The following DOCK1 variants were observed in gnomAD, a reference collection of about 807,000 sequenced individuals.
The protein encoded by DOCK1 is dedicator of cytokinesis 1.
In DOCK1, 138 loss-of-function variants were observed where a neutral mutation model predicts 262.7. The ratio of observed to expected loss-of-function variants is 0.53; its 90% CI spans 0.46 to 0.61. DOCK1 has a LOEUF of 0.61. Ranked by LOEUF, DOCK1 falls within the 20% of genes least tolerant of loss-of-function variation. DOCK1 has a pLI of 0.00. For missense variants in DOCK1, 1,908 were observed against 2,370.7 expected (o/e 0.80, Z 4.05); for synonymous variants, 866 against 867.4 (o/e 1.00, Z 0.03).
At chr10:127,114,840 T>C (rs574752105) in intron 25 of DOCK1, among the ~76,000 whole-genome samples, 182 of 151,438 alleles carry the variant, frequency 1.2e-3, no homozygotes, top group African/African-American at 4.2e-3. Context: ...CACTGCAACC[T>C]GTGCCTCCCG....
At chr10:127,381,046 G>C (rs2065797408) in intron 36 of DOCK1, among the ~76,000 whole-genome samples, 1 of 152,064 alleles carries the variant, frequency 6.6e-6, no homozygotes. Flanking sequence ...AAAATGAAAA[G>C]GAATGAAAAA....
intron 29 of DOCK1, among the ~76,000 whole-genome samples, chr10:127,288,155 G>A (rs117646262): frequency 1.1e-3 from 166 of 152,230 alleles, no homozygotes; most frequent in Middle Eastern, 3.4e-3. Context: ...ATGTGTCTAA[G>A]TCCGTTGTAG....
chr10:127,399,217 A>T (rs1014936134), intron 38 of DOCK1, among the ~76,000 whole-genome samples: 3 of 152,098 alleles, frequency 2.0e-5, no homozygotes, highest in African/African-American at 7.2e-5. Context: ...GGGCTTTTTC[A>T]TTTGGGGCTG....
chr10:127,069,812 G>A (rs568935931), intron 23 of DOCK1, among the ~76,000 whole-genome samples: 27 of 152,332 alleles, frequency 1.8e-4, no homozygotes, highest in African/African-American at 6.5e-4. Flanking sequence ...AAAGAGAAGA[G>A]AGGGAGGTCC....
At chr10:127,058,807 A>G (rs1016064725) in intron 22 of DOCK1, among the ~76,000 whole-genome samples, 5 of 151,930 alleles carry the variant, frequency 3.3e-5, no homozygotes, top group Non-Finnish European at 5.9e-5. Context: ...TGGAATTGCC[A>G]TTTTCTTCTC....
At chr10:127,187,917 C>T (rs924107335) in intron 27 of DOCK1, among the ~76,000 whole-genome samples, 23 of 152,278 alleles carry the variant, frequency 1.5e-4, no homozygotes, top group African/African-American at 4.3e-4. Context: ...AATGCACATA[C>T]GATAAAGAAC....
At chr10:126,928,361 G>T (rs897495464) in intron 1 of DOCK1, among the ~76,000 whole-genome samples, 1 of 152,222 alleles carries the variant, frequency 6.6e-6, no homozygotes, top group Non-Finnish European at 1.5e-5. Flanking sequence ...CTTCAGTGGA[G>T]CCCGCAGCCT....
chr10:127,294,731 C>T (rs2061450785), intron 29 of DOCK1, among the ~76,000 whole-genome samples: 1 of 151,806 alleles, frequency 6.6e-6, no homozygotes, highest in African/African-American at 2.4e-5. Context: ...TCACTGCAAC[C>T]TCCGCCTCCC....
intron 23 of DOCK1, among the ~76,000 whole-genome samples, chr10:127,089,870 T>C (rs1007782675): frequency 1.3e-5 from 2 of 152,248 alleles, no homozygotes; most frequent in African/African-American, 4.8e-5. Flanking sequence ...ACTGTAAACT[T>C]TTCTTTCTCT....
intron 38 of DOCK1, among the ~76,000 whole-genome samples, chr10:127,394,788 T>A (rs1469622527): frequency 6.6e-6 from 1 of 152,154 alleles, no homozygotes; most frequent in Non-Finnish European, 1.5e-5. Flanking sequence ...GTGTGCCCAG[T>A]GCCGTCCTGC....
chr10:127,212,502 G>T (rs975474757), intron 27 of DOCK1, among the ~76,000 whole-genome samples: 1 of 152,244 alleles, frequency 6.6e-6, no homozygotes, highest in East Asian at 1.9e-4. Context: ...GGGCAGGTGC[G>T]AACGGTGGAG....
chr10:127,219,205 A>G, intron 27 of DOCK1, among the ~76,000 whole-genome samples: 1 of 152,224 alleles, frequency 6.6e-6, no homozygotes, highest in East Asian at 1.9e-4. Context: ...AAGAAACCAT[A>G]AATTCATCTT....
chr10:127,352,629 G>T (rs910138466), intron 31 of DOCK1, among the ~76,000 whole-genome samples: 1 of 152,008 alleles, frequency 6.6e-6, no homozygotes, highest in Non-Finnish European at 1.5e-5. Context: ...GTCTTTCTCT[G>T]TCGCCCAGGC....
chr10:127,022,478 G>A (rs1403089711), intron 13 of DOCK1, among the ~76,000 whole-genome samples: 1 of 152,136 alleles, frequency 6.6e-6, no homozygotes, highest in Non-Finnish European at 1.5e-5. Flanking sequence ...AGGCTGGAGT[G>A]CAGTGGCAGG....
intron 27 of DOCK1, among the ~76,000 whole-genome samples, chr10:127,165,519 A>AT (rs1265460193): frequency 2.6e-5 from 4 of 152,070 alleles, no homozygotes; most frequent in Non-Finnish European, 5.9e-5. Flanking sequence ...TTGTTAGATC[A>AT]TTTTTTCCCC....
chr10:127,143,348 T>C (rs1156895556), intron 27 of DOCK1, among the ~76,000 whole-genome samples: 1 of 152,202 alleles, frequency 6.6e-6, no homozygotes. Flanking sequence ...GGCCTCTGCC[T>C]TTAATTCTCT....
chr10:127,113,658 G>T (rs1426330241), intron 25 of DOCK1, among the ~76,000 whole-genome samples: 4 of 152,254 alleles, frequency 2.6e-5, no homozygotes, highest in African/African-American at 9.6e-5. Flanking sequence ...GAAACCGTAG[G>T]TGCATCCTGA....
At chr10:127,004,784 C>CCCCCCCA (rs1554970531) in intron 10 of DOCK1, among the ~76,000 whole-genome samples, 16 of 98,410 alleles carry the variant, frequency 1.6e-4, no homozygotes, top group Non-Finnish European at 2.7e-4. Flanking sequence ...CCCCCCGCCC[C>CCCCCCCA]AAAAAAAAGA....
intron 32 of DOCK1, among the ~76,000 whole-genome samples, chr10:127,359,820 A>G (rs962744809): frequency 1.7e-4 from 25 of 149,766 alleles, no homozygotes; most frequent in African/African-American, 6.0e-4. Context: ...ACAGAAATGT[A>G]TATTCACTGA....
Sources: gnomAD v4.1 joint callset for allele counts (sites outside exome capture counted in the v4.1 genomes callset) on GRCh38, gnomAD v4.1.1 for gene constraint, MANE v1.5 for transcripts, NCBI Gene and HGNC (gene_info 2026-07-23, HGNC 2026-07-21) for gene names.